ITGA8: variants seen among roughly 807,000 people sequenced by gnomAD.
The protein encoded by ITGA8 is integrin alpha-8.
Under a neutral mutation model 142.3 loss-of-function variants are expected in ITGA8, and 91 were observed. The ratio of observed to expected loss-of-function variants is 0.64; its 90% CI spans 0.54 to 0.76. ITGA8 has a LOEUF of 0.76. ITGA8 is among the 30% of genes least tolerant of loss of function. The pLI, the probability that ITGA8 is intolerant of heterozygous loss-of-function variation, is 0.00. For synonymous variants in ITGA8, 505 were observed against 485.2 expected (o/e 1.04, Z -0.54); for missense variants, 1,406 against 1,327.7 (o/e 1.06, Z -0.92).
At chr10:15,545,716 A>G (rs1833656339) in intron 27 of ITGA8, among the ~76,000 whole-genome samples, 3 of 151,798 alleles carry the variant, frequency 2.0e-5, no homozygotes, top group Non-Finnish European at 2.9e-5. Flanking sequence ...AAATGGAATC[A>G]TAATTGACTT....
chr10:15,712,724 C>T (rs568068544), intron 2 of ITGA8, among the ~76,000 whole-genome samples: 2 of 152,320 alleles, frequency 1.3e-5, no homozygotes, highest in Admixed American at 6.5e-5. Context: ...CAATGCAATT[C>T]CCAGATACAA....
Position 15,658,959 on chromosome 10 carries a change from C to A in ITGA8, c.948+40G>T, listed in dbSNP as rs778829673. 3.1e-6 allele frequency: 4 copies of A among 1,290,668 alleles called. No homozygotes were observed. The East Asian group carries it at 7.0e-5, about 22-fold the overall frequency. The allele number at this position is 1,290,668 out of a possible 1,614,324, so 80.0% of individuals were successfully genotyped here. A position where few individuals can be genotyped will look rare whatever the true frequency, so the allele number is the denominator to read the frequency against. ...ATGAATATTATAGTCTACTGGTAAC[C>A]CAGAGTGATTTTATTTATTTGATAT... On this transcript the variant is annotated intron_variant, in intron 10 of 29. Transcript: ENST00000378076.
chr10:15,552,004 G>GA (rs1408548103), intron 26 of ITGA8, among the ~76,000 whole-genome samples: 1 of 151,612 alleles, frequency 6.6e-6, no homozygotes, highest in Non-Finnish European at 1.5e-5. Flanking sequence ...ACAATAGAAG[G>GA]AAAAAAATGG....
chr10:15,694,046 T>C (rs1834982956), intron 2 of ITGA8, among the ~76,000 whole-genome samples: 1 of 148,912 alleles, frequency 6.7e-6, no homozygotes, highest in Admixed American at 6.8e-5. Flanking sequence ...TGAAGGTCAA[T>C]GGCTTTAATA....
At chr10:15,666,013 T>A (rs528005381) in intron 8 of ITGA8, among the ~76,000 whole-genome samples, 1 of 152,346 alleles carries the variant, frequency 6.6e-6, no homozygotes, top group East Asian at 1.9e-4. Flanking sequence ...CTTTTTTGGT[T>A]CCATACGAAC....
chr10:15,715,389 G>A (rs894162096), intron 2 of ITGA8, among the ~76,000 whole-genome samples: 1 of 152,242 alleles, frequency 6.6e-6, no homozygotes, highest in Non-Finnish European at 1.5e-5. Flanking sequence ...AAAGCTCCTT[G>A]GGGGCTTAGT....
chr10:15,577,452 G>T (rs1249073791), intron 23 of ITGA8, among the ~76,000 whole-genome samples: 1 of 152,024 alleles, frequency 6.6e-6, no homozygotes, highest in East Asian at 1.9e-4. Context: ...CACCATGGGG[G>T]CTCCTAAGCT....
chr10:15,688,635 A>G (rs1834877181), intron 2 of ITGA8, among the ~76,000 whole-genome samples: 1 of 152,260 alleles, frequency 6.6e-6, no homozygotes, highest in Non-Finnish European at 1.5e-5. Flanking sequence ...ACAGCATGTT[A>G]AAAGTATCAT....
intron 4 of ITGA8, among the ~76,000 whole-genome samples, chr10:15,679,551 C>G (rs796183797): frequency 3.3e-5 from 5 of 152,296 alleles, no homozygotes; most frequent in African/African-American, 1.2e-4. Context: ...CACTGCACTC[C>G]AGCCTGGGTG....
intron 14 of ITGA8, 95 bp from the exon 15 acceptor site, chr10:15,613,862 C>T (rs1041842833): frequency 2.2e-5 from 18 of 808,016 alleles, no homozygotes; most frequent in Middle Eastern, 2.4e-4. Context: ...CAGTAGTAGA[C>T]AGAATACTCC....
At chr10:15,596,312 C>T (rs1833011047) in intron 21 of ITGA8, among the ~76,000 whole-genome samples, 2 of 152,098 alleles carry the variant, frequency 1.3e-5, no homozygotes, top group African/African-American at 4.8e-5. Context: ...CTAACCTTTA[C>T]CCTCTGTGAG....
intron 21 of ITGA8, 26 bp from the exon 22 acceptor site, chr10:15,592,330 A>G (rs1832940765): frequency 7.2e-6 from 11 of 1,528,512 alleles, no homozygotes; most frequent in Non-Finnish European, 9.1e-6. Flanking sequence ...AAATCACACA[A>G]GAGTAGCTTG....
chr10:15,563,846 G>T (rs1834027191), intron 25 of ITGA8, among the ~76,000 whole-genome samples: 1 of 152,104 alleles, frequency 6.6e-6, no homozygotes, highest in African/African-American at 2.4e-5. Flanking sequence ...GAACCTCGGA[G>T]GCAGAGGCTG....
intron 2 of ITGA8, among the ~76,000 whole-genome samples, chr10:15,709,666 T>C (rs1835328191): frequency 6.6e-6 from 1 of 152,192 alleles, no homozygotes; most frequent in African/African-American, 2.4e-5. Context: ...TGTGAACTGA[T>C]TGCAGTATAA....
At chr10:15,695,180 G>T (rs986600818) in intron 2 of ITGA8, among the ~76,000 whole-genome samples, 13 of 152,046 alleles carry the variant, frequency 8.6e-5, no homozygotes, top group Admixed American at 6.6e-5. Context: ...TTTTCTTCTG[G>T]ACCAAGGGTA....
intron 13 of ITGA8, among the ~76,000 whole-genome samples, chr10:15,619,049 C>T (rs1346330417): frequency 6.6e-6 from 1 of 152,178 alleles, no homozygotes; most frequent in Non-Finnish European, 1.5e-5. Flanking sequence ...GCTTCCTTAT[C>T]AGTCAAGTGG....
At chr10:15,658,947 T>C in intron 10 of ITGA8, 52 bp downstream of exon 10, 1 of 1,152,732 alleles carries the variant, frequency 8.7e-7, no homozygotes, top group South Asian at 1.3e-5. Context: ...AATATTATAG[T>C]CTACTGGTAA....
chr10:15,603,690 G>A (rs188334608), intron 20 of ITGA8, among the ~76,000 whole-genome samples: 25 of 152,310 alleles, frequency 1.6e-4, no homozygotes, highest in Admixed American at 3.9e-4. Flanking sequence ...AGACCAGGCT[G>A]TTCCTGGTCA....
chr10:15,658,757 AT>A (rs1834232516), intron 10 of ITGA8, among the ~76,000 whole-genome samples: 1 of 152,146 alleles, frequency 6.6e-6, no homozygotes, highest in Non-Finnish European at 1.5e-5. Flanking sequence ...TATCATGGAC[AT>A]TTATTTGCTT....
Sources: allele counts gnomAD v4.1 joint callset (sites outside exome capture counted in the v4.1 genomes callset), GRCh38; gene constraint gnomAD v4.1.1; transcripts MANE v1.5; gene names NCBI Gene and HGNC (gene_info 2026-07-23, HGNC 2026-07-21).